Variants in DIP2C observed in about 807,000 individuals in gnomAD.
DIP2C encodes disco-interacting protein 2 homolog C.
In DIP2C, 33 loss-of-function variants were observed where a neutral mutation model predicts 192.4. The ratio of observed to expected loss-of-function variants is 0.17; its 90% confidence interval spans 0.13 to 0.23. DIP2C has a LOEUF of 0.23. Among genes scored for constraint, DIP2C ranks in the 10% least tolerant of loss-of-function variants. The pLI is 1.00. For missense variants in DIP2C, 1,537 were observed against 2,110.1 expected, an observed-to-expected ratio of 0.73 and a Z score of 5.32; for synonymous variants, 979 against 864.1, an observed-to-expected ratio of 1.13 and a Z score of -2.33.
intron 1 of DIP2C, among the ~76,000 whole-genome samples, chr10:571,969 C>T (rs1216202004): frequency 6.6e-6 from 1 of 152,218 alleles, no homozygotes; most frequent in East Asian, 1.9e-4. Flanking sequence ...ATAAGCATTC[C>T]GAAATATGTT....
chr10:582,140 C>T (rs890622910), intron 1 of DIP2C, among the ~76,000 whole-genome samples: 6 of 152,168 alleles, frequency 3.9e-5, no homozygotes, highest in African/African-American at 9.7e-5. Context: ...GCTCACTCAC[C>T]GGCCACCCAC....
chr10:506,970 G>A (rs914799732), intron 1 of DIP2C, among the ~76,000 whole-genome samples: 2 of 151,740 alleles, frequency 1.3e-5, no homozygotes, highest in East Asian at 2.0e-4. Flanking sequence ...CACTGTGCAA[G>A]ACGAGAGGCG....
At chr10:432,899 ATTATTT>A (rs1373792818) in intron 4 of DIP2C, among the ~76,000 whole-genome samples, 1 of 152,180 alleles carries the variant, frequency 6.6e-6, no homozygotes, top group South Asian at 2.1e-4. Flanking sequence ...TGAGCAATGC[ATTATTT>A]TTAAGTGTAT....
intron 10 of DIP2C, among the ~76,000 whole-genome samples, chr10:391,568 G>A (rs1336416701): frequency 1.3e-5 from 2 of 152,254 alleles, no homozygotes; most frequent in Admixed American, 6.5e-5. Flanking sequence ...GCAGGTGGGC[G>A]AGCAGCCAAG....
intron 3 of DIP2C, among the ~76,000 whole-genome samples, chr10:456,973 T>TACTTC (rs1432942855): frequency 6.6e-6 from 1 of 152,242 alleles, no homozygotes; most frequent in Non-Finnish European, 1.5e-5. Context: ...AGCAAAAACA[T>TACTTC]ACTTCATTTC....
chr10:324,088 C>A lies in DIP2C; in HGVS notation c.3924+2918G>T, dbSNP rs147980162. Among the ~76,000 whole-genome samples the A allele has an allele frequency of 1.6e-4, 24 of 152,276 alleles. No individual in the cohort carries two copies. The East Asian group carries it at 4.4e-3, about 28-fold the overall frequency. ...CTGAAGCGTTCCTGACTGCCCTCCC[C>A]CAGAACGCCTCCCCGTGTTCGTGGC... On this transcript the variant is annotated intron_variant, in intron 31 of 36. Transcript: ENST00000280886.
intron 20 of DIP2C, among the ~76,000 whole-genome samples, 167 bp downstream of exon 20, chr10:364,207 A>AACTGGATT (rs1392915910): frequency 3.3e-5 from 5 of 152,254 alleles, no homozygotes; most frequent in Admixed American, 3.3e-4. Flanking sequence ...GGACATTCAG[A>AACTGGATT]ACTGGATTAA....
rs560953175 is a variant in DIP2C, at chr10:647,004, C to T, written c.85+42490G>A. ...AAATGAGCCATGGTGGCAAGCTGGG[C>T]GAGAACAGAGGGAAACTGAGTCCAT... On this transcript the variant is annotated intron_variant, in intron 1 of 36. Coordinates refer to ENST00000280886, the MANE Select transcript of DIP2C (RefSeq NM_014974.3). 6.6e-5 allele frequency among the ~76,000 whole-genome samples: 10 copies of T among 152,188 alleles called. No homozygotes were observed. In the South Asian group the frequency reaches 1.2e-3, roughly 19 times the overall value.
At chr10:383,647 T>C (rs1962587415) in intron 16 of DIP2C, among the ~76,000 whole-genome samples, 1 of 152,216 alleles carries the variant, frequency 6.6e-6, no homozygotes, top group Non-Finnish European at 1.5e-5. Context: ...ATTTCCTTAT[T>C]ACCTGCTTAG....
At position 399,017 on chromosome 10, in the gene DIP2C, A is replaced by G. The variant is rs1409356032; in HGVS notation, c.1260+92T>C. 5.4e-6 allele frequency: 6 copies of G among 1,113,742 alleles called. No homozygotes were observed. In the South Asian group the frequency reaches 6.8e-5, roughly 13 times the overall value. The allele number at this position is 1,113,742 out of a possible 1,614,324, so 69.0% of individuals were successfully genotyped here. ...AACCGAAGGAAACCCAGGGCCCCAG[A>G]AACAGCGAGGAGACCCTCACCCAGC... is the stretch of plus-strand genomic sequence containing the variant. On this transcript the variant is annotated intron_variant, in intron 10 of 36. Coordinates refer to ENST00000280886, the MANE Select transcript of DIP2C (RefSeq NM_014974.3).
intron 1 of DIP2C, among the ~76,000 whole-genome samples, chr10:545,888 G>A (rs952378654): frequency 6.6e-6 from 1 of 152,190 alleles, no homozygotes; most frequent in Non-Finnish European, 1.5e-5. Flanking sequence ...AAGGTACACT[G>A]AAGAATCATG....
intron 1 of DIP2C, among the ~76,000 whole-genome samples, chr10:599,705 G>A (rs1851933589): frequency 6.6e-6 from 1 of 152,176 alleles, no homozygotes. Flanking sequence ...AGTGCATTCG[G>A]AGCAAGTACT....
At chr10:394,872 G>A (rs979475072) in intron 10 of DIP2C, among the ~76,000 whole-genome samples, 2 of 149,576 alleles carry the variant, frequency 1.3e-5, no homozygotes, top group Non-Finnish European at 3.0e-5. Context: ...CACAGTGGGC[G>A]CTATTCAGCC....
chr10:662,670 T>C (rs1856832006), intron 1 of DIP2C: 1 of 566,788 alleles, frequency 1.8e-6, no homozygotes, highest in South Asian at 2.6e-5. Context: ...TTTTTCATCT[T>C]TTTAAAATTG....
In DIP2C at chr10:314,339, G is replaced by A. The variant is rs138585360; in HGVS notation, c.3925-4247C>T. On this transcript the variant is annotated intron_variant, in intron 31 of 36. Coordinates refer to ENST00000280886, the MANE Select transcript of DIP2C (RefSeq NM_014974.3). ...GGACCAGTGCTTGGTGCAGCCCTCC[G>A]TCGTCCTCCCTTTCTAGCCACCCTG... Among the ~76,000 whole-genome samples the A allele has an allele frequency of 2.1e-3, 323 of 152,226 alleles. 1 individual carries two copies. Among genetic ancestry groups the A allele is most frequent in the African/African-American group, 7.1e-3 (296 of 41,530 alleles).
intron 1 of DIP2C, among the ~76,000 whole-genome samples, chr10:631,487 A>T (rs1194896066): frequency 2.0e-5 from 3 of 152,074 alleles, no homozygotes; most frequent in Admixed American, 2.0e-4. Flanking sequence ...TAAACACTGG[A>T]CGTGTCACCT....
chr10:523,357 G>A (rs1238325290), intron 1 of DIP2C, among the ~76,000 whole-genome samples: 1 of 148,078 alleles, frequency 6.8e-6, no homozygotes, highest in African/African-American at 2.5e-5. Context: ...CTGGAGTGAC[G>A]ATGCAGGGAC....
At chr10:665,692 C>T (rs1857047004) in intron 1 of DIP2C, 1 of 152,374 alleles carries the variant, frequency 6.6e-6, no homozygotes, top group South Asian at 2.1e-4. Flanking sequence ...CGCGAAACCA[C>T]AGCGCCAGAT....
At chr10:338,875 A>ACCTGCAC (rs55860612) in intron 29 of DIP2C, among the ~76,000 whole-genome samples, 10 of 123,814 alleles carry the variant, frequency 8.1e-5, no homozygotes, top group Non-Finnish European at 1.5e-4. Flanking sequence ...AGCCCACCCC[A>ACCTGCAC]CCTGCACCCT....
Sources: allele counts gnomAD v4.1 joint callset (sites outside exome capture counted in the v4.1 genomes callset), GRCh38; gene constraint gnomAD v4.1.1; transcripts MANE v1.5; gene names NCBI Gene and HGNC (gene_info 2026-07-23, HGNC 2026-07-21).